Variants in RASA3 observed in about 807,000 individuals in gnomAD.
RASA3 encodes the protein ras GTPase-activating protein 3.
A neutral mutation model predicts 110.0 loss-of-function variants in RASA3; 73 were observed. The ratio of observed to expected loss-of-function variants is 0.66; its 90% CI spans 0.55 to 0.81. The LOEUF (loss-of-function observed/expected upper bound fraction) is 0.81, where lower values mean the gene tolerates loss of function less well. Ranked by LOEUF, RASA3 falls within the 30% of genes least tolerant of loss-of-function variation. RASA3 has a pLI of 0.00. For synonymous variants in RASA3, 500 were observed against 451.4 expected, an observed-to-expected ratio of 1.11 and a Z score of -1.37; for missense variants, 976 against 1,113.2, an observed-to-expected ratio of 0.88 and a Z score of 1.75.
intron 18 of RASA3, among the ~76,000 whole-genome samples, chr13:114,004,988 G>T (rs1041839549): frequency 6.6e-6 from 1 of 152,212 alleles, no homozygotes; most frequent in Non-Finnish European, 1.5e-5. Context: ...CGGAACTAGA[G>T]GTTGTTATCT....
chr13:114,046,992 G>A (rs61973893), intron 3 of RASA3, among the ~76,000 whole-genome samples: 5,977 of 152,154 alleles, frequency 0.039, 184 homozygotes, highest in African/African-American at 0.085. Context: ...GGAGAAAACC[G>A]CCACAACCGT....
rs556019982 is a variant in RASA3 at position 113,981,450 on chromosome 13, G to A, written c.2429+225C>T. On this transcript the variant is annotated intron_variant, in intron 23 of 23. Coordinates refer to ENST00000334062, the MANE Select transcript of RASA3 (RefSeq NM_007368.4). Reference sequence around the variant, plus strand: ...GAGGCAGCCCGGACGCTGGCTGGGGGCCTGGAGAGCAAAGGCAGCACCTGC... The same window carrying A: ...GAGGCAGCCCGGACGCTGGCTGGGGACCTGGAGAGCAAAGGCAGCACCTGC... Among the ~76,000 whole-genome samples, 7 of 152,332 alleles carry A rather than the reference G, an allele frequency of 4.6e-5. No individual in the cohort carries two copies. In the East Asian group the frequency reaches 7.7e-4, roughly 17 times the overall value.
chr13:114,045,172 AC>A (rs1278931866), intron 3 of RASA3, among the ~76,000 whole-genome samples: 1 of 152,206 alleles, frequency 6.6e-6, no homozygotes, highest in Non-Finnish European at 1.5e-5. Flanking sequence ...CCAGATGCTG[AC>A]CTGAGAGAAT....
chr13:114,090,508 A>C (rs2079876696), intron 1 of RASA3, among the ~76,000 whole-genome samples: 1 of 152,230 alleles, frequency 6.6e-6, no homozygotes, highest in South Asian at 2.1e-4. Flanking sequence ...CAAAAGGTCC[A>C]CAACACATCA....
At chr13:114,063,274 C>G (rs531733458) in intron 2 of RASA3, among the ~76,000 whole-genome samples, 1 of 150,688 alleles carries the variant, frequency 6.6e-6, no homozygotes, top group Admixed American at 6.6e-5. Context: ...AGTTTTTTCT[C>G]CAAAAATATA....
intron 23 of RASA3, among the ~76,000 whole-genome samples, chr13:113,979,904 ACCT>A (rs745750196): frequency 6.9e-5 from 10 of 145,818 alleles, no homozygotes; most frequent in East Asian, 4.2e-4. Context: ...ATGTGTGTGC[ACCT>A]CCTCCTACGT....
At chr13:114,043,254 G>T (rs1214152520) in intron 3 of RASA3, among the ~76,000 whole-genome samples, 1 of 152,188 alleles carries the variant, frequency 6.6e-6, no homozygotes, top group Admixed American at 6.5e-5. Flanking sequence ...TGCGGAAGGT[G>T]GAAAGAGGCA....
chr13:114,074,386 C>G (rs2079632023), intron 1 of RASA3, among the ~76,000 whole-genome samples: 1 of 152,232 alleles, frequency 6.6e-6, no homozygotes, highest in African/African-American at 2.4e-5. Context: ...CGTGTCCTTT[C>G]AGCCCGGCTC....
At chr13:114,093,110 T>A (rs2079906288) in intron 1 of RASA3, among the ~76,000 whole-genome samples, 1 of 152,250 alleles carries the variant, frequency 6.6e-6, no homozygotes, top group African/African-American at 2.4e-5. Flanking sequence ...TATTATTTTA[T>A]TAATTGTGTC....
chr13:114,050,005 G>A (rs1186972380), intron 3 of RASA3, among the ~76,000 whole-genome samples: 1 of 152,260 alleles, frequency 6.6e-6, no homozygotes, highest in African/African-American at 2.4e-5. Flanking sequence ...TGGAGAAGGA[G>A]GTGCCTCAGG....
chr13:114,030,233 G>C (rs147989020), intron 4 of RASA3, among the ~76,000 whole-genome samples: 3 of 152,372 alleles, frequency 2.0e-5, no homozygotes, highest in Non-Finnish European at 1.5e-5. Context: ...CAGGCTGCTC[G>C]TGTGTCCGTC....
chr13:113,995,701 CTGGCTGACGGAGGACCCAGCTGATG>C, intron 21 of RASA3, among the ~76,000 whole-genome samples: 1 of 81,226 alleles, frequency 1.2e-5, no homozygotes, highest in Non-Finnish European at 2.3e-5. Flanking sequence ...TGATGGGGGG[CTGGCTGACGGAGGACCCAGCTGATG>C]GGGGGCCCGG....
At chr13:113,980,508 T>C (rs1049332517) in intron 23 of RASA3, among the ~76,000 whole-genome samples, 1 of 151,422 alleles carries the variant, frequency 6.6e-6, no homozygotes, top group Non-Finnish European at 1.5e-5. Flanking sequence ...TCTTGTACCA[T>C]GTGTGCCTCG....
At chr13:114,070,988 C>T (rs923549161) in intron 2 of RASA3, among the ~76,000 whole-genome samples, 3 of 145,406 alleles carry the variant, frequency 2.1e-5, no homozygotes, top group South Asian at 2.2e-4. Flanking sequence ...CCGGCGTCCA[C>T]GCTAAACGGC....
At chr13:114,071,424 G>A (rs1021861497) in intron 2 of RASA3, among the ~76,000 whole-genome samples, 8 of 152,290 alleles carry the variant, frequency 5.3e-5, no homozygotes, top group South Asian at 2.1e-4. Context: ...AGAGGATCCC[G>A]GCCTGAGAAA....
At chr13:114,042,489 C>T (rs1287217256) in intron 3 of RASA3, among the ~76,000 whole-genome samples, 1 of 152,248 alleles carries the variant, frequency 6.6e-6, no homozygotes, top group Non-Finnish European at 1.5e-5. Context: ...ACACACACGC[C>T]CTCCTTAAGG....
At chr13:114,066,275 A>G (rs1323838755) in intron 2 of RASA3, among the ~76,000 whole-genome samples, 2 of 152,182 alleles carry the variant, frequency 1.3e-5, no homozygotes, top group East Asian at 3.9e-4. Flanking sequence ...GAGGAGGCAC[A>G]ACCAGACACC....
chr13:114,128,566 G>A (rs1432753586), intron 1 of RASA3, among the ~76,000 whole-genome samples: 1 of 152,216 alleles, frequency 6.6e-6, no homozygotes, highest in East Asian at 1.9e-4. Context: ...CCTGCTTCAG[G>A]TGGGATTCTG....
chr13:114,097,866 A>G (rs989764333), intron 1 of RASA3, among the ~76,000 whole-genome samples: 3 of 152,176 alleles, frequency 2.0e-5, no homozygotes, highest in Admixed American at 1.3e-4. Context: ...AGGCCCCACC[A>G]TGGGGTCTTG....
Sources: allele counts gnomAD v4.1 joint callset (sites outside exome capture counted in the v4.1 genomes callset), GRCh38; gene constraint gnomAD v4.1.1; transcripts MANE v1.5; gene names NCBI Gene and HGNC (gene_info 2026-07-23, HGNC 2026-07-21).